Variants in BRINP2 observed in about 807,000 individuals in gnomAD.
BRINP2 encodes the protein BMP/retinoic acid inducible neural specific 2.
BRINP2 carries 21 observed loss-of-function variants against 69.2 expected under a neutral mutation model. The ratio of observed to expected loss-of-function variants is 0.30; its 90% CI spans 0.22 to 0.44. The LOEUF (loss-of-function observed/expected upper bound fraction) is 0.44, where lower values mean the gene tolerates loss of function less well. Among genes scored for constraint, BRINP2 ranks in the 20% least tolerant of loss-of-function variants. The pLI is 1.00. For missense variants in BRINP2, 877 were observed against 986.0 expected (o/e 0.89, Z 1.48); for synonymous variants, 380 against 394.1 (o/e 0.96, Z 0.42).
At chr1:177,215,346 A>C (rs1649344992) in intron 1 of BRINP2, among the ~76,000 whole-genome samples, 1 of 152,338 alleles carries the variant, frequency 6.6e-6, no homozygotes, top group African/African-American at 2.4e-5. Flanking sequence ...TTTGAGTAGT[A>C]TGGACATTTT....
Position 177,209,757 on chromosome 1 carries a change from C to CA in BRINP2, c.-76-20035dup, listed in dbSNP as rs199957440. On this transcript the variant is annotated intron_variant, in intron 1 of 7. Transcript: ENST00000361539. Reference sequence around the variant, plus strand: ...GTCTCACTCAGAGTCTTATAGATAACAAAAAAAAAGAAAAAAAATGGAGAT... The same window carrying CA: ...GTCTCACTCAGAGTCTTATAGATAACAAAAAAAAAAGAAAAAAAATGGAGAT... Among the ~76,000 whole-genome samples, 677 of 143,506 alleles carry CA rather than the reference C, an allele frequency of 4.7e-3. 5 individuals are homozygous for CA. The highest frequency in any genetic ancestry group is 0.016 in the East Asian group (78 of 4,934). The allele number at this position is 143,506 out of a possible 152,430, so 94.1% of individuals were successfully genotyped here.
chr1:177,204,340 G>A (rs1388697386), intron 1 of BRINP2, among the ~76,000 whole-genome samples: 3 of 152,098 alleles, frequency 2.0e-5, no homozygotes, highest in African/African-American at 4.8e-5. Context: ...TAACTGCCTT[G>A]TGAAGCCATG....
intron 1 of BRINP2, among the ~76,000 whole-genome samples, chr1:177,215,400 A>G (rs1353489367): frequency 6.6e-6 from 1 of 152,088 alleles, no homozygotes; most frequent in East Asian, 1.9e-4. Flanking sequence ...GCTATCTCTT[A>G]TTTATCTGAG....
intron 1 of BRINP2, among the ~76,000 whole-genome samples, chr1:177,210,487 A>G (rs1649191760): frequency 6.6e-6 from 1 of 152,200 alleles, no homozygotes; most frequent in African/African-American, 2.4e-5. Context: ...AGCAATGTAC[A>G]TGCACAACAA....
At chr1:177,268,734 A>T (rs1454881836) in intron 4 of BRINP2, among the ~76,000 whole-genome samples, 9 of 151,962 alleles carry the variant, frequency 5.9e-5, no homozygotes, top group Non-Finnish European at 1.0e-4. Context: ...AGCAGCAGAG[A>T]CTCTGTGGCA....
intron 3 of BRINP2, chr1:177,256,434 T>C (rs1650761101): frequency 1.0e-6 from 1 of 985,432 alleles, no homozygotes; most frequent in Non-Finnish European, 1.2e-6. Context: ...CACTTTCTAA[T>C]GTTTGCTGTG....
intron 4 of BRINP2, among the ~76,000 whole-genome samples, chr1:177,264,127 G>A (rs937313769): frequency 1.3e-5 from 2 of 152,100 alleles, no homozygotes; most frequent in African/African-American, 4.8e-5. Flanking sequence ...GAGAAAAATG[G>A]ATCATATCAG....
chr1:177,279,686 C>T (rs545422220), intron 7 of BRINP2, among the ~76,000 whole-genome samples: 1 of 152,302 alleles, frequency 6.6e-6, no homozygotes, highest in South Asian at 2.1e-4. Flanking sequence ...AAAGGCTTAC[C>T]ATGCACAGAA....
Position 177,198,118 on chromosome 1 carries a change from G to T in BRINP2, c.-77+26386G>T, listed in dbSNP as rs937643047. On this transcript the variant is annotated intron_variant, in intron 1 of 7. Transcript: ENST00000361539. ...CAAAGCAAAGAAAATGTGAACTAAG[G>T]TCATAAAAGTTTGAGTCTAAAATAT... 2.0e-5 allele frequency among the ~76,000 whole-genome samples: 3 copies of T among 152,118 alleles called. 1 individual carries two copies. The highest frequency in any genetic ancestry group is 4.4e-5 in the Non-Finnish European group (3 of 68,030).
intron 1 of BRINP2, among the ~76,000 whole-genome samples, chr1:177,176,096 C>A (rs1174060123): frequency 6.6e-6 from 1 of 152,176 alleles, no homozygotes; most frequent in African/African-American, 2.4e-5. Context: ...AGTTGAGTAG[C>A]ATCAACACAG....
chr1:177,198,044 C>T (rs368706360), intron 1 of BRINP2, among the ~76,000 whole-genome samples: 5 of 152,112 alleles, frequency 3.3e-5, no homozygotes, highest in Non-Finnish European at 5.9e-5. Flanking sequence ...GGGGGGAGTG[C>T]GACAGTGGTA....
chr1:177,201,843 G>A (rs113401535), intron 1 of BRINP2, among the ~76,000 whole-genome samples: 11 of 152,196 alleles, frequency 7.2e-5, no homozygotes, highest in African/African-American at 2.6e-4. Context: ...ACTTTTTTTG[G>A]TTGGTAAGCT....
chr1:177,190,386 C>A (rs996141840), intron 1 of BRINP2, among the ~76,000 whole-genome samples: 2 of 152,182 alleles, frequency 1.3e-5, no homozygotes, highest in Admixed American at 1.3e-4. Context: ...ATCCCTCAAT[C>A]TTTCTCTCTT....
intron 2 of BRINP2, among the ~76,000 whole-genome samples, chr1:177,241,414 A>G (rs1166770242): frequency 6.6e-6 from 1 of 152,130 alleles, no homozygotes; most frequent in Non-Finnish European, 1.5e-5. Context: ...TAACTTCACA[A>G]CAGGGCTCTA....
chr1:177,196,488 C>T (rs576050984), intron 1 of BRINP2, among the ~76,000 whole-genome samples: 76 of 152,176 alleles, frequency 5.0e-4, no homozygotes, highest in Non-Finnish European at 1.1e-3. Context: ...TGTGGTGGTG[C>T]ATGCCTGTAA....
intron 1 of BRINP2, among the ~76,000 whole-genome samples, chr1:177,189,049 C>G (rs1487657340): frequency 6.6e-6 from 1 of 152,098 alleles, no homozygotes; most frequent in East Asian, 1.9e-4. Flanking sequence ...GAAGGCCAGG[C>G]TACAGGAAGA....
In BRINP2 at chr1:177,229,788, T is replaced by G. The variant is rs1649806467; in HGVS notation, c.-76-13T>G. 6.7e-7 allele frequency: 1 copy of G among 1,494,404 alleles called. No individual in the cohort carries two copies. Among genetic ancestry groups the G allele is most frequent in the South Asian group, 1.4e-5 (1 of 72,570 alleles). The allele number at this position is 1,494,404 out of a possible 1,614,324, so 92.6% of individuals were successfully genotyped here. A position where few individuals can be genotyped will look rare whatever the true frequency, so the allele number is the denominator to read the frequency against. ...AGGGTGCTCAAATGACAATGCCTTT[T>G]GTACTTTTCCAGCTCCGAGCCCTGG... On this transcript the variant is annotated splice_polypyrimidine_tract_variant and intron_variant, in intron 1 of 7. Transcript: ENST00000361539.
rs1649823210 is a variant in BRINP2 at position 177,230,130 on chromosome 1, G to A, written c.254G>A (p.Arg85Lys). 6 of 1,608,040 alleles carry A rather than the reference G, an allele frequency of 3.7e-6. No individual in the cohort carries two copies. The highest frequency in any genetic ancestry group is 5.1e-6 in the Non-Finnish European group (6 of 1,176,308). The change falls in exon 2 of 8, where the codon AGG becomes AAG. Residue 85 changes from arginine (R) to lysine (K), a missense_variant. Coordinates refer to ENST00000361539, the MANE Select transcript of BRINP2 (RefSeq NM_021165.4). The stretch of plus-strand genomic sequence containing the variant: ...CGGTACCGCCAGGGTTTCACCACCA[G>A]GTACAGGATTTATAGGTAAGTGGGG... ...MERYRQGFTT[R>K]YRIYREFARW...
chr1:177,213,746 G>A (rs1351609067), intron 1 of BRINP2, among the ~76,000 whole-genome samples: 1 of 152,050 alleles, frequency 6.6e-6, no homozygotes, highest in African/African-American at 2.4e-5. Flanking sequence ...ATTATAACAA[G>A]GATTTTCACA....
Sources: gnomAD v4.1 joint callset for allele counts (sites outside exome capture counted in the v4.1 genomes callset) on GRCh38, gnomAD v4.1.1 for gene constraint, MANE v1.5 for transcripts, NCBI Gene and HGNC (gene_info 2026-07-23, HGNC 2026-07-21) for gene names.